Variants in MID1 observed in about 807,000 individuals in gnomAD.
MID1 encodes E3 ubiquitin-protein ligase Midline-1.
In MID1, 7 loss-of-function variants were observed where a neutral mutation model predicts 40.4. That is an observed-to-expected ratio of 0.17 (90% CI 0.10 to 0.33). MID1 has a LOEUF of 0.33. Ranked by LOEUF, MID1 falls within the 10% of genes least tolerant of loss-of-function variation. The pLI is 1.00. For synonymous variants in MID1, 229 were observed against 221.2 expected (o/e 1.04, Z -0.31); for missense variants, 367 against 558.5 (o/e 0.66, Z 3.46).
At chrX:10,504,682 C>T (rs1457551785) in intron 3 of MID1, among the ~76,000 whole-genome samples, 1 of 111,029 alleles carries the variant, frequency 9.0e-6, no homozygotes, top group East Asian at 2.8e-4. Flanking sequence ...TCCTTGAAGG[C>T]TGCCTCCTGA....
chrX:10,708,075 G>A (rs983367148), intron 1 of MID1, among the ~76,000 whole-genome samples: 9 of 112,394 alleles, frequency 8.0e-5, no homozygotes, highest in African/African-American at 2.9e-4. Context: ...ATAAAGAGAT[G>A]TTATCATAAA....
intron 4 of MID1, 122 bp downstream of exon 4, chrX:10,495,462 A>G: frequency 1.7e-6 from 1 of 580,504 alleles, no homozygotes; most frequent in Admixed American, 2.8e-5. Context: ...TTAAAGACTT[A>G]AGAGGGAATT....
intron 8 of MID1, among the ~76,000 whole-genome samples, chrX:10,458,665 G>C (rs1041928284): frequency 2.7e-5 from 3 of 111,669 alleles, no homozygotes; most frequent in African/African-American, 9.8e-5. Flanking sequence ...TGGGTACCAA[G>C]TGGGAAAGCC....
intron 2 of MID1, among the ~76,000 whole-genome samples, chrX:10,550,822 C>G (rs1933877920): frequency 9.0e-6 from 1 of 110,924 alleles, no homozygotes; most frequent in Non-Finnish European, 1.9e-5. Flanking sequence ...GCAGCCCCTT[C>G]CTCTCCCAAG....
At chrX:10,483,026 C>T (rs1466082652) in intron 4 of MID1, among the ~76,000 whole-genome samples, 1 of 112,200 alleles carries the variant, frequency 8.9e-6, no homozygotes, top group Non-Finnish European at 1.9e-5. Flanking sequence ...GAAGATAAAA[C>T]ATCTTTATAG....
intron 2 of MID1, among the ~76,000 whole-genome samples, chrX:10,547,609 G>GAGGGAGGGAGGGAGGA (rs1307715237): frequency 2.8e-4 from 26 of 93,683 alleles, no homozygotes; most frequent in African/African-American, 9.7e-4. Context: ...GGAAAGAAGG[G>GAGGGAGGGAGGGAGGA]AGGGTAAAGA....
chrX:10,661,770 T>C (rs966620130), intron 1 of MID1, among the ~76,000 whole-genome samples: 6 of 112,185 alleles, frequency 5.3e-5, no homozygotes, highest in African/African-American at 1.9e-4. Context: ...CTCTCAATAT[T>C]TGTCTTGGCA....
intron 1 of MID1, among the ~76,000 whole-genome samples, chrX:10,665,115 A>G (rs1420235831): frequency 8.9e-6 from 1 of 112,258 alleles, no homozygotes; most frequent in South Asian, 3.7e-4. Flanking sequence ...GTGCAACAAT[A>G]TGAGATATTT....
chrX:10,548,279 C>A (rs957090989), intron 2 of MID1, among the ~76,000 whole-genome samples: 9 of 111,434 alleles, frequency 8.1e-5, no homozygotes, highest in African/African-American at 2.9e-4. Flanking sequence ...CTCTATGATA[C>A]CCCTCTCTAT....
rs897989496 is a variant in MID1, at chrX:10,446,428, G to A, written c.*2940C>T. ...AAAAAAGCCTGTCTGTATTCAAGCT[G>A]TTTCTTTTCCTCCAGCAGAAACCAT... On this transcript the variant is annotated 3_prime_UTR_variant, in exon 10 of 10. Coordinates refer to ENST00000317552, the MANE Select transcript of MID1 (RefSeq NM_000381.4). 7 of 111,986 alleles carry A rather than the reference G, an allele frequency of 6.3e-5. No individual in the cohort carries two copies. Among genetic ancestry groups the A allele is most frequent in the Non-Finnish European group, 1.3e-4 (7 of 53,258 alleles). 9.2% of individuals were successfully genotyped at this position (111,986 alleles called of 1,213,427 possible). A position where few individuals can be genotyped will look rare whatever the true frequency, so the allele number is the denominator to read the frequency against.
intron 3 of MID1, among the ~76,000 whole-genome samples, chrX:10,501,125 A>G (rs751677524): frequency 8.9e-6 from 1 of 111,904 alleles, no homozygotes; most frequent in Non-Finnish European, 1.9e-5. Context: ...CCTGGCCAAC[A>G]TGATGAAACC....
intron 1 of MID1, among the ~76,000 whole-genome samples, chrX:10,762,582 T>G (rs943657663): frequency 2.7e-5 from 3 of 110,012 alleles, no homozygotes; most frequent in African/African-American, 9.9e-5. Context: ...CACAGGCACA[T>G]GCCACTACAC....
chrX:10,446,463 T>G lies in MID1; in HGVS notation c.*2905A>C, dbSNP rs896024767. On this transcript the variant is annotated 3_prime_UTR_variant, in exon 10 of 10. Coordinates refer to ENST00000317552, the MANE Select transcript of MID1 (RefSeq NM_000381.4). ...CTCCAGCAGAAACCATCGTCAATAT[T>G]TGCAGTCAGTTTTTGAAGTCACTTT... is the stretch of plus-strand genomic sequence containing the variant. 1.8e-5 allele frequency: 2 copies of G among 111,874 alleles called. No homozygotes were observed. The highest frequency in any genetic ancestry group is 3.3e-5 in the African/African-American group (1 of 30,760). 9.2% of individuals were successfully genotyped at this position (111,874 alleles called of 1,213,427 possible). A position where few individuals can be genotyped will look rare whatever the true frequency, so the allele number is the denominator to read the frequency against.
chrX:10,466,397 G>A (rs1176792210), intron 7 of MID1, among the ~76,000 whole-genome samples: 1 of 111,330 alleles, frequency 9.0e-6, no homozygotes, highest in Non-Finnish European at 1.9e-5. Context: ...TAGTGTGTGT[G>A]GATCAGTGTG....
upstream of MID1, among the ~76,000 whole-genome samples, chrX:10,624,417 C>A (rs541714883): frequency 1.8e-5 from 2 of 111,573 alleles, no homozygotes; most frequent in South Asian, 3.8e-4. Context: ...CAAAGCAAAT[C>A]ATGTCATTTT....
At chrX:10,527,299 G>T (rs1932851736) in intron 2 of MID1, among the ~76,000 whole-genome samples, 1 of 111,533 alleles carries the variant, frequency 9.0e-6, no homozygotes, top group Non-Finnish European at 1.9e-5. Context: ...CACATATGAA[G>T]AGGGAGGAGA....
At chrX:10,461,547 T>G (rs1238013401) in intron 7 of MID1, among the ~76,000 whole-genome samples, 2 of 111,487 alleles carry the variant, frequency 1.8e-5, no homozygotes, top group Non-Finnish European at 3.8e-5. Flanking sequence ...ACTCCATACT[T>G]CTGGATAATG....
At chrX:10,565,049 T>C in intron 2 of MID1, 1 of 238,364 alleles carries the variant, frequency 4.2e-6, no homozygotes, top group East Asian at 1.2e-4. Context: ...TAAAAATTAA[T>C]AGCCTTCGCA....
At chrX:10,461,437 A>ATGTTACT (rs1300876819) in intron 7 of MID1, among the ~76,000 whole-genome samples, 8 of 111,267 alleles carry the variant, frequency 7.2e-5, no homozygotes, top group Non-Finnish European at 1.5e-4. Context: ...ATGATGCAGG[A>ATGTTACT]AAACATCCAC....
Sources: allele counts gnomAD v4.1 joint callset (sites outside exome capture counted in the v4.1 genomes callset), GRCh38; gene constraint gnomAD v4.1.1; transcripts MANE v1.5; gene names NCBI Gene and HGNC (gene_info 2026-07-23, HGNC 2026-07-21).